The following NOS1AP variants were observed in gnomAD, a reference collection of about 807,000 sequenced individuals.
NOS1AP encodes the protein carboxyl-terminal PDZ ligand of neuronal nitric oxide synthase protein.
A neutral mutation model predicts 56.2 loss-of-function variants in NOS1AP; 21 were observed. The observed-to-expected ratio is 0.37, with a 90% confidence interval of 0.26 to 0.54. NOS1AP has a LOEUF of 0.54. Among genes scored for constraint, NOS1AP ranks in the 20% least tolerant of loss-of-function variants. The probability of loss-of-function intolerance (pLI) is 0.84; values close to 1 mark genes in which losing one functional copy is unlikely to be tolerated. For synonymous variants in NOS1AP, 270 were observed against 274.6 expected, an observed-to-expected ratio of 0.98 and a Z score of 0.17; for missense variants, 522 against 657.8, an observed-to-expected ratio of 0.79 and a Z score of 2.26.
intron 1 of NOS1AP, among the ~76,000 whole-genome samples, chr1:162,090,873 C>G (rs1480909193): frequency 6.6e-6 from 1 of 152,156 alleles, no homozygotes; most frequent in Non-Finnish European, 1.5e-5. Context: ...CATGCTTTCA[C>G]TATCACATAT....
intron 1 of NOS1AP, among the ~76,000 whole-genome samples, chr1:162,084,241 G>T (rs551479626): frequency 2.0e-5 from 3 of 152,254 alleles, no homozygotes; most frequent in East Asian, 3.9e-4. Flanking sequence ...AATGATTTTT[G>T]ATTGAAACCT....
intron 1 of NOS1AP, among the ~76,000 whole-genome samples, chr1:162,075,774 C>CTT (rs11398400): frequency 6.6e-4 from 99 of 149,728 alleles, no homozygotes; most frequent in Middle Eastern, 6.8e-3. Context: ...GCCCAGACTA[C>CTT]TTTTTTTTTT....
intron 2 of NOS1AP, among the ~76,000 whole-genome samples, chr1:162,202,162 T>G (rs1652014515): frequency 6.6e-6 from 1 of 152,086 alleles, no homozygotes; most frequent in South Asian, 2.1e-4. Flanking sequence ...TGGAGAGAAA[T>G]TATGTTTTAT....
intron 1 of NOS1AP, among the ~76,000 whole-genome samples, chr1:162,119,330 A>T (rs1283800102): frequency 6.6e-6 from 1 of 152,158 alleles, no homozygotes; most frequent in Non-Finnish European, 1.5e-5. Context: ...TGACACTGGC[A>T]ATATGGAACC....
chr1:162,358,736 CA>C (rs1657789288), intron 8 of NOS1AP, among the ~76,000 whole-genome samples: 1 of 152,174 alleles, frequency 6.6e-6, no homozygotes, highest in Non-Finnish European at 1.5e-5. Context: ...CCATTGAATA[CA>C]GAACATAATA....
intron 2 of NOS1AP, among the ~76,000 whole-genome samples, chr1:162,217,991 GTTC>G (rs1288838504): frequency 6.6e-6 from 1 of 152,294 alleles, no homozygotes; most frequent in South Asian, 2.1e-4. Flanking sequence ...AGGCAGTGCT[GTTC>G]TTCTTGCTAC....
At chr1:162,273,622 A>G (rs778075696) in intron 2 of NOS1AP, among the ~76,000 whole-genome samples, 1 of 152,194 alleles carries the variant, frequency 6.6e-6, no homozygotes, top group African/African-American at 2.4e-5. Flanking sequence ...GAGTTTGGGA[A>G]GCATCTCCTA....
chr1:162,359,363 A>G (rs554875648), intron 8 of NOS1AP, among the ~76,000 whole-genome samples: 165 of 152,300 alleles, frequency 1.1e-3, no homozygotes, highest in African/African-American at 3.7e-3. Context: ...GTTCTTGAAC[A>G]TACTCCTGTA....
chr1:162,330,922 CT>C (rs935897711), intron 4 of NOS1AP, among the ~76,000 whole-genome samples: 5 of 152,134 alleles, frequency 3.3e-5, no homozygotes, highest in Non-Finnish European at 1.5e-5. Flanking sequence ...ATGGAGGAAG[CT>C]GTTGAGAATG....
intron 2 of NOS1AP, among the ~76,000 whole-genome samples, chr1:162,207,063 G>A (rs1270461166): frequency 2.6e-5 from 4 of 152,318 alleles, no homozygotes; most frequent in Non-Finnish European, 5.9e-5. Context: ...AAAAGCAGTC[G>A]CCAGTGGGAT....
intron 1 of NOS1AP, among the ~76,000 whole-genome samples, chr1:162,139,869 C>T (rs1194605207): frequency 1.3e-5 from 2 of 152,002 alleles, no homozygotes; most frequent in Admixed American, 1.3e-4. Context: ...TACTTTGTCG[C>T]CCAGGCTGGA....
At position 162,152,456 on chromosome 1, in the gene NOS1AP, C is replaced by T. The variant is rs529061128; in HGVS notation, c.106-1949C>T. Among the ~76,000 whole-genome samples, 8 of 152,354 alleles carry T rather than the reference C, an allele frequency of 5.3e-5. No individual in the cohort carries two copies. The South Asian group carries it at 1.4e-3, about 28-fold the overall frequency. Reference sequence around the variant, plus strand: ...GAGGGCCTGTGAAGTTGGGCAATCACGAATCTGGGCCTTACGTCATCCCTA... The same window carrying T: ...GAGGGCCTGTGAAGTTGGGCAATCATGAATCTGGGCCTTACGTCATCCCTA... On this transcript the variant is annotated intron_variant, in intron 1 of 9. Transcript: ENST00000361897.
intron 2 of NOS1AP, among the ~76,000 whole-genome samples, chr1:162,264,768 A>G (rs1654365718): frequency 6.7e-6 from 1 of 150,128 alleles, no homozygotes; most frequent in African/African-American, 2.5e-5. Context: ...GAGCCTCCCA[A>G]AGTGCTGGGA....
At chr1:162,363,807 A>T in intron 8 of NOS1AP, 1 of 985,396 alleles carries the variant, frequency 1.0e-6, no homozygotes, top group Non-Finnish European at 1.2e-6. Context: ...TCTCTCAATT[A>T]ATATGAGACA....
chr1:162,110,727 A>G (rs1263498880), intron 1 of NOS1AP, among the ~76,000 whole-genome samples: 1 of 152,254 alleles, frequency 6.6e-6, no homozygotes, highest in African/African-American at 2.4e-5. Flanking sequence ...GCATGTTTGG[A>G]AACTTGAGTT....
intron 2 of NOS1AP, among the ~76,000 whole-genome samples, chr1:162,257,076 G>A (rs1654053686): frequency 6.6e-6 from 1 of 152,162 alleles, no homozygotes; most frequent in South Asian, 2.1e-4. Flanking sequence ...CATTGGAGGG[G>A]AGATAAAAGA....
intron 1 of NOS1AP, among the ~76,000 whole-genome samples, chr1:162,128,954 T>C (rs886238941): frequency 6.6e-6 from 1 of 152,216 alleles, no homozygotes; most frequent in Admixed American, 6.5e-5. Flanking sequence ...CATTGATTCT[T>C]TTCCCCAGTT....
At chr1:162,286,361 G>A (rs1040964596) in intron 2 of NOS1AP, among the ~76,000 whole-genome samples, 7 of 152,326 alleles carry the variant, frequency 4.6e-5, no homozygotes, top group African/African-American at 1.2e-4. Context: ...TTTGGGTCTT[G>A]TGTATCTTAA....
intron 1 of NOS1AP, among the ~76,000 whole-genome samples, chr1:162,136,977 C>A (rs1187300186): frequency 1.3e-5 from 2 of 152,174 alleles, no homozygotes; most frequent in African/African-American, 4.8e-5. Context: ...ATATGAAAAG[C>A]ACCTCGGACT....
Sources: allele counts gnomAD v4.1 joint callset (sites outside exome capture counted in the v4.1 genomes callset), GRCh38; gene constraint gnomAD v4.1.1; transcripts MANE v1.5; gene names NCBI Gene and HGNC (gene_info 2026-07-23, HGNC 2026-07-21).